CNTN3: variants seen among roughly 807,000 people sequenced by gnomAD.
The protein encoded by CNTN3 is contactin 3, also known as contactin-3.
A neutral mutation model predicts 119.1 loss-of-function variants in CNTN3; 60 were observed. The observed-to-expected ratio is 0.50, with a 90% CI of 0.41 to 0.62. The LOEUF (loss-of-function observed/expected upper bound fraction) is 0.62, where lower values mean the gene tolerates loss of function less well. Among genes scored for constraint, CNTN3 ranks in the 20% least tolerant of loss-of-function variants. CNTN3 has a pLI of 0.00. For missense variants in CNTN3, 1,101 were observed against 1,242.4 expected, an observed-to-expected ratio of 0.89 and a Z score of 1.71; for synonymous variants, 450 against 438.7, an observed-to-expected ratio of 1.03 and a Z score of -0.32.
intron 20 of CNTN3, among the ~76,000 whole-genome samples, chr3:74,283,465 G>A (rs1702054188): frequency 6.6e-6 from 1 of 152,174 alleles, no homozygotes; most frequent in South Asian, 2.1e-4. Context: ...AAGGGATTTG[G>A]CTTCTTTTTA....
chr3:74,582,146 C>T (rs1004267775), intron 1 of CNTN3, among the ~76,000 whole-genome samples: 4 of 152,166 alleles, frequency 2.6e-5, no homozygotes, highest in Non-Finnish European at 5.9e-5. Flanking sequence ...GTGGCTCACG[C>T]CTGTAATCCC....
At chr3:74,531,162 G>A (rs1703688063) in intron 1 of CNTN3, among the ~76,000 whole-genome samples, 1 of 151,992 alleles carries the variant, frequency 6.6e-6, no homozygotes, top group Admixed American at 6.6e-5. Context: ...AGGGAGATTA[G>A]TTTTCCCTTT....
At chr3:74,564,902 A>G (rs1293961552) in intron 1 of CNTN3, among the ~76,000 whole-genome samples, 1 of 152,044 alleles carries the variant, frequency 6.6e-6, no homozygotes, top group African/African-American at 2.4e-5. Context: ...ATGTTAGAGA[A>G]CAGGCTGGTA....
intron 18 of CNTN3, among the ~76,000 whole-genome samples, chr3:74,297,043 G>A (rs1360142056): frequency 1.3e-5 from 2 of 152,034 alleles, no homozygotes; most frequent in African/African-American, 2.4e-5. Context: ...GAAACAGAAC[G>A]GGTCCAGAGT....
At chr3:74,493,738 A>C (rs1002844764) in intron 3 of CNTN3, among the ~76,000 whole-genome samples, 4 of 152,216 alleles carry the variant, frequency 2.6e-5, no homozygotes, top group African/African-American at 7.2e-5. Flanking sequence ...TGAAGTGATG[A>C]GAATAATTGC....
At chr3:74,362,988 C>T (rs944148364) in intron 10 of CNTN3, among the ~76,000 whole-genome samples, 3 of 152,108 alleles carry the variant, frequency 2.0e-5, no homozygotes, top group South Asian at 2.1e-4. Context: ...TATTTGAATA[C>T]AATCTTTTGT....
At chr3:74,328,179 T>G (rs2106692258) in intron 13 of CNTN3, among the ~76,000 whole-genome samples, 1 of 152,236 alleles carries the variant, frequency 6.6e-6, no homozygotes, top group East Asian at 1.9e-4. Flanking sequence ...ATCTGTCTAA[T>G]ATTTAGCAAA....
intron 1 of CNTN3, among the ~76,000 whole-genome samples, chr3:74,566,377 C>T (rs556001708): frequency 2.6e-5 from 4 of 152,216 alleles, no homozygotes; most frequent in African/African-American, 9.6e-5. Context: ...TTACCACAAA[C>T]CAGGTGGCTT....
intron 1 of CNTN3, among the ~76,000 whole-genome samples, chr3:74,573,502 A>C (rs1704366771): frequency 6.6e-6 from 1 of 152,200 alleles, no homozygotes; most frequent in African/African-American, 2.4e-5. Context: ...AAAGTTGAAA[A>C]GACAACTCAG....
Position 74,264,487 on chromosome 3 carries a change from C to T in CNTN3, c.3001G>A (p.Gly1001Arg), listed in dbSNP as rs1284672245. Residue 1001 changes from glycine (G) to arginine (R), a missense_variant, in exon 23 of 23, where the codon GGA (glycine) becomes AGA (arginine). Gly to Arg is a moderately radical substitution (Grantham distance 125). Coordinates refer to ENST00000263665, the MANE Select transcript of CNTN3 (RefSeq NM_020872.3). The part of the protein sequence containing the change: ...IPRITSMDAR[G>R]STSAISNVHP... The stretch of plus-strand genomic sequence containing the variant: ...ACATTCGAGATGGCTGAAGTGGATC[C>T]TCTTGCATCCATACCTGTCAAAGTT... The T allele has an allele frequency of 1.2e-6, 2 of 1,610,062 alleles. No individual in the cohort carries two copies. The highest frequency in any genetic ancestry group is 2.7e-5 in the African/African-American group (2 of 74,820).
intron 2 of CNTN3, among the ~76,000 whole-genome samples, chr3:74,504,566 C>T (rs1257331777): frequency 6.6e-6 from 1 of 152,088 alleles, no homozygotes; most frequent in Non-Finnish European, 1.5e-5. Context: ...TATATGCTTC[C>T]AATGTCAGAG....
At chr3:74,581,127 CT>C (rs1704497978) in intron 1 of CNTN3, among the ~76,000 whole-genome samples, 2 of 151,988 alleles carry the variant, frequency 1.3e-5, no homozygotes, top group African/African-American at 4.8e-5. Flanking sequence ...ACTAAAGGTC[CT>C]ACAAGGAGTA....
chr3:74,576,878 G>A (rs1047388223), intron 1 of CNTN3, among the ~76,000 whole-genome samples: 1 of 151,866 alleles, frequency 6.6e-6, no homozygotes, highest in African/African-American at 2.4e-5. Context: ...TATATTCTGG[G>A]CTTAAACTCC....
rs1553644666 is a variant in CNTN3, at chr3:74,324,214, TTC to T, written c.1668+10519_1668+10520del. On this transcript the variant is annotated intron_variant, in intron 13 of 22. Transcript: ENST00000263665. ...CACCCTCTCAAACTAACTCTTCTTCTTCTTTTTTTTTTTTTGAGACAGAGTTT... is the reference window on the plus strand; with the variant it reads ...CACCCTCTCAAACTAACTCTTCTTCTTTTTTTTTTTTTTGAGACAGAGTTT... 3.9e-5 allele frequency among the ~76,000 whole-genome samples: 4 copies of T among 102,274 alleles called. No homozygotes were observed. In the South Asian group the frequency reaches 2.3e-3, roughly 59 times the overall value. The allele number at this position is 102,274 out of a possible 152,430, so 67.1% of individuals were successfully genotyped here.
intron 12 of CNTN3, among the ~76,000 whole-genome samples, chr3:74,335,145 G>A (rs867401701): frequency 6.6e-6 from 1 of 152,176 alleles, no homozygotes; most frequent in Non-Finnish European, 1.5e-5. Context: ...TGAACTTGTA[G>A]GACATGTAAG....
chr3:74,432,379 A>G (rs544156188), intron 4 of CNTN3, among the ~76,000 whole-genome samples: 1 of 150,114 alleles, frequency 6.7e-6, no homozygotes, highest in Non-Finnish European at 1.5e-5. Flanking sequence ...AACAAGAGCC[A>G]ATGAGCTAAA....
chr3:74,520,550 A>AT (rs543512905), intron 2 of CNTN3, among the ~76,000 whole-genome samples: 1 of 151,190 alleles, frequency 6.6e-6, no homozygotes, highest in Non-Finnish European at 1.5e-5. Context: ...AAAGACGATA[A>AT]TTTTTTTTCA....
chr3:74,548,616 C>T (rs1402498605), intron 1 of CNTN3, among the ~76,000 whole-genome samples: 5 of 152,130 alleles, frequency 3.3e-5, no homozygotes, highest in Non-Finnish European at 4.4e-5. Flanking sequence ...TCCTCAATGT[C>T]GCCAATAGGT....
At chr3:74,576,054 G>C (rs563405708) in intron 1 of CNTN3, among the ~76,000 whole-genome samples, 5 of 152,092 alleles carry the variant, frequency 3.3e-5, no homozygotes, top group East Asian at 1.9e-4. Flanking sequence ...GGCCCTAGGC[G>C]TCTGCTCCTT....
Sources: gnomAD v4.1 joint callset for allele counts (sites outside exome capture counted in the v4.1 genomes callset) on GRCh38, gnomAD v4.1.1 for gene constraint, MANE v1.5 for transcripts, NCBI Gene and HGNC (gene_info 2026-07-23, HGNC 2026-07-21) for gene names.